Variants in SCFD2 observed in about 807,000 individuals in gnomAD.
SCFD2 encodes the protein sec1 family domain containing 2.
Under a neutral mutation model 58.9 loss-of-function variants are expected in SCFD2, and 54 were observed. That is an observed-to-expected ratio of 0.92 (90% CI 0.74 to 1.15). The LOEUF (loss-of-function observed/expected upper bound fraction) is 1.15. Among genes scored for constraint, SCFD2 ranks in the 50% most tolerant of loss-of-function variants. SCFD2 has a pLI of 0.00. For synonymous variants in SCFD2, 321 were observed against 335.9 expected (o/e 0.96, Z 0.49); for missense variants, 805 against 836.6 (o/e 0.96, Z 0.47).
chr4:53,126,529 T>C, intron 5 of SCFD2, among the ~76,000 whole-genome samples: 1 of 152,316 alleles, frequency 6.6e-6, no homozygotes, highest in Non-Finnish European at 1.5e-5. Flanking sequence ...TTGGCCAGGC[T>C]GGCCTCCAAC....
At position 53,233,482 on chromosome 4, in the gene SCFD2, T is replaced by C. The variant is rs536892987; in HGVS notation, c.1311+40344A>G. 3.3e-5 allele frequency among the ~76,000 whole-genome samples: 5 copies of C among 152,376 alleles called. No individual in the cohort carries two copies. The East Asian group carries it at 5.8e-4, about 18-fold the overall frequency. On this transcript the variant is annotated intron_variant, in intron 4 of 8. Coordinates refer to ENST00000401642, the MANE Select transcript of SCFD2 (RefSeq NM_152540.4). ...ACCCATGAAATGGTAAGAACCAAAATTGTTAGCCTTAAACTTACTTTGCCT... is the reference window on the plus strand; with the variant it reads ...ACCCATGAAATGGTAAGAACCAAAACTGTTAGCCTTAAACTTACTTTGCCT...
intron 3 of SCFD2, among the ~76,000 whole-genome samples, chr4:53,305,770 A>G (rs908059762): frequency 1.3e-5 from 2 of 152,168 alleles, no homozygotes; most frequent in African/African-American, 4.8e-5. Context: ...TAATCCACAT[A>G]AACAAAAATT....
intron 4 of SCFD2, among the ~76,000 whole-genome samples, chr4:53,147,997 G>A (rs1451837875): frequency 1.3e-5 from 2 of 152,074 alleles, no homozygotes; most frequent in African/African-American, 4.8e-5. Context: ...TTAAAGAAAG[G>A]TCATGAAGGC....
chr4:53,160,877 A>T (rs1283716875), intron 4 of SCFD2, among the ~76,000 whole-genome samples: 2 of 152,242 alleles, frequency 1.3e-5, no homozygotes, highest in African/African-American at 4.8e-5. Context: ...AGTGAGAAAT[A>T]GTGAAGTCCT....
At chr4:53,147,917 TCTC>T (rs1269330695) in intron 4 of SCFD2, among the ~76,000 whole-genome samples, 5 of 152,192 alleles carry the variant, frequency 3.3e-5, no homozygotes, top group African/African-American at 1.2e-4. Flanking sequence ...CTAGAGGAAC[TCTC>T]AAGTGTTTCT....
At chr4:53,167,059 G>A (rs1356575835) in intron 4 of SCFD2, among the ~76,000 whole-genome samples, 2 of 152,064 alleles carry the variant, frequency 1.3e-5, no homozygotes, top group Admixed American at 6.6e-5. Context: ...TTTCTAACCT[G>A]CTCCATCTAA....
chr4:52,924,920 T>C lies in SCFD2; in HGVS notation c.1562-4050A>G, dbSNP rs187110442. ...TCCAAATATATGCTGAATTGATAGA[T>C]AAGATGGAATATGGATACAAAAGCT... On this transcript the variant is annotated intron_variant, in intron 5 of 8. Transcript: ENST00000401642. Among the ~76,000 whole-genome samples the C allele has an allele frequency of 6.5e-4, 99 of 152,294 alleles. No individual in the cohort carries two copies. In the South Asian group the frequency reaches 0.01, roughly 16 times the overall value.
chr4:53,269,545 T>C (rs559041206), intron 4 of SCFD2, among the ~76,000 whole-genome samples: 1 of 152,186 alleles, frequency 6.6e-6, no homozygotes, highest in Non-Finnish European at 1.5e-5. Flanking sequence ...TTACTTATAT[T>C]ATTATAATTA....
At chr4:53,012,344 T>G (rs961544692) in intron 5 of SCFD2, among the ~76,000 whole-genome samples, 13 of 143,716 alleles carry the variant, frequency 9.0e-5, no homozygotes, top group African/African-American at 3.4e-4. Context: ...GCATAAAATC[T>G]CTCTCTCTCT....
intron 4 of SCFD2, among the ~76,000 whole-genome samples, chr4:53,238,565 G>C (rs1365221945): frequency 2.6e-5 from 4 of 151,168 alleles, no homozygotes; most frequent in African/African-American, 9.7e-5. Flanking sequence ...CTTCCCAGAT[G>C]GGGCGGCTGC....
chr4:53,183,519 G>T (rs1353880036), intron 4 of SCFD2, among the ~76,000 whole-genome samples: 3 of 152,104 alleles, frequency 2.0e-5, no homozygotes, highest in African/African-American at 7.2e-5. Context: ...GGGGGAGTGG[G>T]GAGGGATAGC....
At chr4:52,910,697 A>T (rs973534471) in intron 6 of SCFD2, among the ~76,000 whole-genome samples, 3 of 152,134 alleles carry the variant, frequency 2.0e-5, no homozygotes, top group Admixed American at 2.0e-4. Flanking sequence ...CCCAAATCTC[A>T]TCTTGAATTG....
chr4:53,343,528 G>A (rs1430482221), intron 2 of SCFD2, among the ~76,000 whole-genome samples: 1 of 152,186 alleles, frequency 6.6e-6, no homozygotes, highest in Non-Finnish European at 1.5e-5. Context: ...AGAGGTACAA[G>A]GAGGAGCTGG....
intron 5 of SCFD2, among the ~76,000 whole-genome samples, chr4:53,067,297 T>C (rs1723689620): frequency 6.6e-6 from 1 of 151,954 alleles, no homozygotes; most frequent in African/African-American, 2.4e-5. Flanking sequence ...GCTTTACTCA[T>C]CCTGGGCCTC....
intron 4 of SCFD2, among the ~76,000 whole-genome samples, chr4:53,161,555 A>C (rs1313211530): frequency 2.6e-5 from 4 of 152,228 alleles, no homozygotes; most frequent in Non-Finnish European, 5.9e-5. Flanking sequence ...ATATGTTTTA[A>C]GGGAGATATA....
At chr4:52,946,951 A>G (rs1303614437) in intron 5 of SCFD2, among the ~76,000 whole-genome samples, 1 of 152,140 alleles carries the variant, frequency 6.6e-6, no homozygotes, top group Non-Finnish European at 1.5e-5. Flanking sequence ...CTATTTTTGC[A>G]TCTCTGTCCT....
At chr4:53,227,590 T>TA (rs1729261726) in intron 4 of SCFD2, among the ~76,000 whole-genome samples, 1 of 152,180 alleles carries the variant, frequency 6.6e-6, no homozygotes, top group Admixed American at 6.6e-5. Flanking sequence ...CAAGCCTCAC[T>TA]ACAGCAGAAT....
chr4:53,129,147 C>G (rs1230418803), intron 5 of SCFD2, among the ~76,000 whole-genome samples: 4 of 152,154 alleles, frequency 2.6e-5, no homozygotes, highest in Non-Finnish European at 5.9e-5. Flanking sequence ...GTTTCCTCTG[C>G]CAGTTGGCTT....
chr4:52,918,872 T>C (rs1003553912), intron 6 of SCFD2, among the ~76,000 whole-genome samples: 3 of 152,172 alleles, frequency 2.0e-5, no homozygotes, highest in Non-Finnish European at 4.4e-5. Context: ...TTCATTGTAA[T>C]GGTTGCACAG....
Sources: allele counts gnomAD v4.1 joint callset (sites outside exome capture counted in the v4.1 genomes callset), GRCh38; gene constraint gnomAD v4.1.1; transcripts MANE v1.5; gene names NCBI Gene and HGNC (gene_info 2026-07-23, HGNC 2026-07-21).